Variants in OPCML observed in about 807,000 individuals in gnomAD.
OPCML encodes the protein opioid binding protein/cell adhesion molecule like.
Under a neutral mutation model 37.8 loss-of-function variants are expected in OPCML, and 13 were observed. The ratio of observed to expected loss-of-function variants is 0.34; its 90% CI spans 0.22 to 0.55. The LOEUF is 0.55. Among genes scored for constraint, OPCML ranks in the 20% least tolerant of loss-of-function variants. OPCML has a pLI of 0.91. For synonymous variants in OPCML, 176 were observed against 168.8 expected, an observed-to-expected ratio of 1.04 and a Z score of -0.33; for missense variants, 341 against 435.6, an observed-to-expected ratio of 0.78 and a Z score of 1.93.
chr11:132,747,899 T>C (rs1398107710), intron 2 of OPCML, among the ~76,000 whole-genome samples: 1 of 152,134 alleles, frequency 6.6e-6, no homozygotes, highest in Non-Finnish European at 1.5e-5. Flanking sequence ...ACTGCTGAGC[T>C]CAAGCCATCC....
chr11:133,146,312 CT>C (rs869237328), intron 1 of OPCML, among the ~76,000 whole-genome samples: 18,050 of 128,532 alleles, frequency 0.14, 799 homozygotes, highest in East Asian at 0.18. Flanking sequence ...TCCATCTTTT[CT>C]TTTTTTTTTT....
Position 132,782,923 on chromosome 11 carries a change from A to ATATATATATATATATATATATATG in OPCML, c.147-125628_147-125605dup, listed in dbSNP as rs1947083754. On this transcript the variant is annotated intron_variant, in intron 2 of 7. Transcript: ENST00000524381. ...TAATATATATATAGTGTGTGTATATATATATATATATATATATATATATGT... is the reference window on the plus strand; with the variant it reads ...TAATATATATATAGTGTGTGTATATATATATATATATATATATATATATGTATATATATATATATATATATATGT... 1.6e-4 allele frequency among the ~76,000 whole-genome samples: 23 copies of ATATATATATATATATATATATATG among 143,392 alleles called. No homozygotes were observed. The South Asian group carries it at 4.3e-3, about 27-fold the overall frequency. The allele number at this position is 143,392 out of a possible 152,430, so 94.1% of individuals were successfully genotyped here.
chr11:133,357,801 C>A (rs1007476906), intron 1 of OPCML, among the ~76,000 whole-genome samples: 25 of 152,126 alleles, frequency 1.6e-4, no homozygotes, highest in Non-Finnish European at 1.5e-5. Context: ...GTGTTTAGCA[C>A]CTTCTTTGTA....
chr11:133,438,621 T>C (rs1029404260), intron 1 of OPCML, among the ~76,000 whole-genome samples: 1 of 152,178 alleles, frequency 6.6e-6, no homozygotes, highest in Non-Finnish European at 1.5e-5. Flanking sequence ...TTCCCCATAA[T>C]TTCTGATAGG....
At chr11:133,175,470 G>A (rs570149823) in intron 1 of OPCML, among the ~76,000 whole-genome samples, 5 of 140,126 alleles carry the variant, frequency 3.6e-5, no homozygotes, top group Admixed American at 7.4e-5. Context: ...CAAGTGTAAC[G>A]GAAGAGAAAA....
intron 1 of OPCML, among the ~76,000 whole-genome samples, chr11:133,069,569 C>T (rs180926807): frequency 9.9e-5 from 15 of 152,202 alleles, no homozygotes; most frequent in East Asian, 7.7e-4. Flanking sequence ...CGTGTGTGTG[C>T]GACTACACAA....
At chr11:132,653,466 G>A (rs908572166) in intron 3 of OPCML, among the ~76,000 whole-genome samples, 3 of 152,140 alleles carry the variant, frequency 2.0e-5, no homozygotes, top group Non-Finnish European at 4.4e-5. Context: ...CGACCCCACA[G>A]CTGAGCATCC....
chr11:132,881,557 C>G (rs1473784923), intron 2 of OPCML, among the ~76,000 whole-genome samples: 1 of 152,002 alleles, frequency 6.6e-6, no homozygotes, highest in African/African-American at 2.4e-5. Context: ...CAGTAAATGT[C>G]TACTCTACGG....
chr11:133,225,491 C>G (rs750527457), intron 1 of OPCML, among the ~76,000 whole-genome samples: 19 of 152,228 alleles, frequency 1.2e-4, no homozygotes, highest in Non-Finnish European at 2.5e-4. Flanking sequence ...TTCCCCAATG[C>G]GAGTGCTGTA....
At chr11:133,325,196 T>G (rs1203452329) in intron 1 of OPCML, among the ~76,000 whole-genome samples, 2 of 152,232 alleles carry the variant, frequency 1.3e-5, no homozygotes, top group Admixed American at 1.3e-4. Flanking sequence ...ATTCTCACTG[T>G]GCACTGCTTC....
At chr11:133,340,030 T>C (rs1483335217) in intron 1 of OPCML, among the ~76,000 whole-genome samples, 1 of 152,226 alleles carries the variant, frequency 6.6e-6, no homozygotes, top group East Asian at 1.9e-4. Flanking sequence ...CTGGAATCTT[T>C]GGTGCCCCAT....
rs115893940 is a variant in OPCML at position 133,197,304 on chromosome 11, T to C, written c.62-254294A>G. Among the ~76,000 whole-genome samples, 1,457 of 152,342 alleles carry C rather than the reference T, an allele frequency of 9.6e-3. 27 individuals carry two copies. The highest frequency in any genetic ancestry group is 0.033 in the African/African-American group (1,377 of 41,574). ...AACTATTAAATTGTTGCTTTACTTG[T>C]AGAATGATACATTGTCCTTTATCTA... On this transcript the variant is annotated intron_variant, in intron 1 of 7. Coordinates refer to ENST00000524381, the MANE Select transcript of OPCML (RefSeq NM_001012393.5).
At chr11:132,678,701 A>T (rs1173374881) in intron 2 of OPCML, among the ~76,000 whole-genome samples, 1 of 152,320 alleles carries the variant, frequency 6.6e-6, no homozygotes, top group African/African-American at 2.4e-5. Context: ...AAACAGAAAA[A>T]CCATCAGTGG....
At chr11:133,096,436 C>T (rs1565445306) in intron 1 of OPCML, among the ~76,000 whole-genome samples, 1 of 150,968 alleles carries the variant, frequency 6.6e-6, no homozygotes, top group South Asian at 2.1e-4. Flanking sequence ...ATTAAAAACA[C>T]AAAAGAAAGA....
chr11:133,490,090 A>G (rs766481106), intron 1 of OPCML, among the ~76,000 whole-genome samples: 46 of 152,224 alleles, frequency 3.0e-4, no homozygotes, highest in Non-Finnish European at 1.6e-4. Flanking sequence ...CTAAGGATAT[A>G]TACCCTAAAA....
At chr11:133,033,504 T>A (rs551018575) in intron 1 of OPCML, among the ~76,000 whole-genome samples, 1 of 152,230 alleles carries the variant, frequency 6.6e-6, no homozygotes, top group Non-Finnish European at 1.5e-5. Flanking sequence ...AAATCAAAAG[T>A]AGCTATTAGA....
chr11:133,252,851 G>C (rs1043903599), intron 1 of OPCML, among the ~76,000 whole-genome samples: 1 of 152,100 alleles, frequency 6.6e-6, no homozygotes, highest in Admixed American at 6.5e-5. Flanking sequence ...TTCTACTATA[G>C]AAATAGTCTT....
At chr11:132,484,617 A>T (rs1441717184) in intron 4 of OPCML, among the ~76,000 whole-genome samples, 1 of 152,158 alleles carries the variant, frequency 6.6e-6, no homozygotes, top group Non-Finnish European at 1.5e-5. Context: ...ACACATGCAC[A>T]CCTATGTTTA....
chr11:132,993,465 T>A (rs1052101794), intron 1 of OPCML, among the ~76,000 whole-genome samples: 10 of 152,112 alleles, frequency 6.6e-5, no homozygotes, highest in Non-Finnish European at 4.4e-5. Context: ...TGGGCTTACA[T>A]CCCCCTGGAT....
Sources: gnomAD v4.1 joint callset for allele counts (sites outside exome capture counted in the v4.1 genomes callset) on GRCh38, gnomAD v4.1.1 for gene constraint, MANE v1.5 for transcripts, NCBI Gene and HGNC (gene_info 2026-07-23, HGNC 2026-07-21) for gene names.